The following CSMD3 variants were observed in gnomAD, a reference collection of about 807,000 sequenced individuals.
CSMD3 encodes the protein CUB and Sushi multiple domains 3.
Under a neutral mutation model 435.2 loss-of-function variants are expected in CSMD3, and 177 were observed. The ratio of observed to expected loss-of-function variants is 0.41; its 90% confidence interval spans 0.36 to 0.46. CSMD3 has a LOEUF of 0.46. Among genes scored for constraint, CSMD3 ranks in the 20% least tolerant of loss-of-function variants. The probability of loss-of-function intolerance (pLI) is 0.34; values close to 1 mark genes in which losing one functional copy is unlikely to be tolerated. For missense variants in CSMD3, 4,265 were observed against 4,504.6 expected, an observed-to-expected ratio of 0.95 and a Z score of 1.52; for synonymous variants, 1,656 against 1,520.5, an observed-to-expected ratio of 1.09 and a Z score of -2.07.
At chr8:112,898,132 T>C (rs1465435995) in intron 10 of CSMD3, among the ~76,000 whole-genome samples, 1 of 151,264 alleles carries the variant, frequency 6.6e-6, no homozygotes, top group Non-Finnish European at 1.5e-5. Context: ...GCTTCCAATG[T>C]TAAATAGCTT....
chr8:112,572,579 T>A (rs1424033199), intron 24 of CSMD3, among the ~76,000 whole-genome samples: 1 of 152,148 alleles, frequency 6.6e-6, no homozygotes, highest in Non-Finnish European at 1.5e-5. Flanking sequence ...TTCATCTGAC[T>A]TCTTGAGAAA....
At chr8:113,064,562 A>G (rs1328216919) in intron 5 of CSMD3, among the ~76,000 whole-genome samples, 1 of 152,198 alleles carries the variant, frequency 6.6e-6, no homozygotes, top group Non-Finnish European at 1.5e-5. Context: ...CGAAAATAAT[A>G]CAGCAGGATA....
intron 6 of CSMD3, among the ~76,000 whole-genome samples, chr8:112,986,815 G>C (rs1040937773): frequency 6.6e-6 from 1 of 151,896 alleles, no homozygotes; most frequent in Non-Finnish European, 1.5e-5. Context: ...TCACAATATC[G>C]AGTAATACTT....
chr8:113,110,169 A>G (rs955995531), intron 4 of CSMD3, among the ~76,000 whole-genome samples: 1 of 152,116 alleles, frequency 6.6e-6, no homozygotes, highest in Non-Finnish European at 1.5e-5. Context: ...CTCTTTATCA[A>G]AGGGTCACCT....
chr8:112,433,038 T>G (rs1017318858), intron 32 of CSMD3, among the ~76,000 whole-genome samples: 2 of 152,160 alleles, frequency 1.3e-5, no homozygotes. Flanking sequence ...GAGATCAAAT[T>G]ACATTTTTGG....
intron 1 of CSMD3, among the ~76,000 whole-genome samples, chr8:113,337,673 T>C (rs186322598): frequency 6.6e-6 from 1 of 152,174 alleles, no homozygotes; most frequent in East Asian, 1.9e-4. Context: ...TTATAAATGA[T>C]ACCATAAGGA....
chr8:112,230,880 T>C (rs1424647862), intron 69 of CSMD3, among the ~76,000 whole-genome samples: 2 of 152,184 alleles, frequency 1.3e-5, no homozygotes, highest in Non-Finnish European at 2.9e-5. Flanking sequence ...AGAGCCTGAA[T>C]TTATTCTTTG....
In CSMD3 at chr8:112,289,516, G is replaced by C. The variant is rs1352120838; in HGVS notation, c.8997C>G (p.Gly2999=). 6.2e-7 allele frequency: 1 copy of C among 1,611,940 alleles called. No homozygotes were observed. The highest frequency in any genetic ancestry group is 1.1e-5 in the South Asian group (1 of 91,032). Residue 2999 remains glycine, a synonymous_variant, in exon 57 of 71, where the codon GGC becomes GGG. Coordinates refer to ENST00000297405, the MANE Select transcript of CSMD3 (RefSeq NM_198123.2). ...ECIMIDCGHP[G]VPPNAVLSGE... is the part of the protein sequence containing the mutation. Reference sequence around the variant, plus strand: ...CAGACAGGACTGCATTAGGAGGAACGCCAGGGTGTCCACAGTCAATCACTA... The same window carrying C: ...CAGACAGGACTGCATTAGGAGGAACCCCAGGGTGTCCACAGTCAATCACTA...
At chr8:113,130,782 T>C (rs1047875329) in intron 4 of CSMD3, among the ~76,000 whole-genome samples, 18 of 152,216 alleles carry the variant, frequency 1.2e-4, no homozygotes, top group African/African-American at 3.9e-4. Flanking sequence ...GAACTTCCTA[T>C]AGACTTGTTA....
chr8:112,582,178 T>C (rs1830383922), intron 23 of CSMD3, among the ~76,000 whole-genome samples: 1 of 152,014 alleles, frequency 6.6e-6, no homozygotes, highest in Non-Finnish European at 1.5e-5. Flanking sequence ...TGAGATCTGC[T>C]GGATTAAAAG....
Position 112,959,378 on chromosome 8 carries a change from C to T in CSMD3, c.1343-4617G>A, listed in dbSNP as rs993963170. Among the ~76,000 whole-genome samples the T allele has an allele frequency of 3.3e-5, 5 of 151,802 alleles. No individual in the cohort carries two copies. In the South Asian group the frequency reaches 6.2e-4, roughly 19 times the overall value. On this transcript the variant is annotated intron_variant, in intron 7 of 70. Coordinates refer to ENST00000297405, the MANE Select transcript of CSMD3 (RefSeq NM_198123.2). ...CTAACTTTGTATTTATTTTATTCTT[C>T]CAAGTTTGTGGTATTTATTTTAACA...
At chr8:112,594,776 G>T (rs917756766) in intron 22 of CSMD3, among the ~76,000 whole-genome samples, 3 of 152,032 alleles carry the variant, frequency 2.0e-5, no homozygotes, top group African/African-American at 7.2e-5. Flanking sequence ...ACACGGCAGG[G>T]TACTCCAACA....
intron 11 of CSMD3, among the ~76,000 whole-genome samples, chr8:112,855,362 T>C (rs1375034543): frequency 6.6e-6 from 1 of 152,172 alleles, no homozygotes; most frequent in African/African-American, 2.4e-5. Context: ...ATTTCACAAG[T>C]ATTTTAAATA....
At chr8:113,392,316 G>A (rs1222945124) in intron 1 of CSMD3, among the ~76,000 whole-genome samples, 1 of 152,090 alleles carries the variant, frequency 6.6e-6, no homozygotes. Flanking sequence ...GAGTTGACAG[G>A]AGAGTGGGCA....
chr8:112,603,596 T>C (rs552037085), intron 22 of CSMD3, among the ~76,000 whole-genome samples: 10 of 152,198 alleles, frequency 6.6e-5, no homozygotes, highest in Non-Finnish European at 1.3e-4. Flanking sequence ...GTGGGTAAGT[T>C]TGAAAAAATG....
At chr8:113,028,600 G>A (rs1490161578) in intron 5 of CSMD3, among the ~76,000 whole-genome samples, 2 of 151,436 alleles carry the variant, frequency 1.3e-5, no homozygotes, top group Non-Finnish European at 3.0e-5. Flanking sequence ...CAAATTATAA[G>A]AAAGCAAAAC....
intron 25 of CSMD3, 106 bp downstream of exon 25, chr8:112,556,657 T>C (rs1828144089): frequency 1.2e-6 from 1 of 831,788 alleles, no homozygotes; most frequent in Non-Finnish European, 2.0e-6. Context: ...AATTTCTCGA[T>C]ATAAAGTGTT....
Position 112,685,527 on chromosome 8 carries a change from A to G in CSMD3, c.2361T>C (p.Ile787=). 9 of 1,614,028 alleles carry G rather than the reference A, an allele frequency of 5.6e-6. No homozygotes were observed. The highest frequency in any genetic ancestry group is 7.6e-6 in the Non-Finnish European group (9 of 1,179,920). Residue 787 remains isoleucine (I), a synonymous_variant, in exon 15 of 71, where the codon ATT becomes ATC. Coordinates refer to ENST00000297405, the MANE Select transcript of CSMD3 (RefSeq NM_198123.2). Reference sequence around the variant, plus strand: ...CCTCAGCCCCAGTAAAGGTTCCAAGAATTGGGGATTCTGGAGAGTCACCAT... The same window carrying G: ...CCTCAGCCCCAGTAAAGGTTCCAAGGATTGGGGATTCTGGAGAGTCACCAT... The part of the protein sequence containing the change: ...VKDGDSPESP[I]LGTFTGAEVP...
At chr8:112,808,064 C>G (rs1044373119) in intron 12 of CSMD3, among the ~76,000 whole-genome samples, 2 of 152,048 alleles carry the variant, frequency 1.3e-5, no homozygotes, top group Non-Finnish European at 2.9e-5. Flanking sequence ...AAGAGATGAG[C>G]TGTTTGTCAG....
Sources: gnomAD v4.1 joint callset for allele counts (sites outside exome capture counted in the v4.1 genomes callset) on GRCh38, gnomAD v4.1.1 for gene constraint, MANE v1.5 for transcripts, NCBI Gene and HGNC (gene_info 2026-07-23, HGNC 2026-07-21) for gene names.